TRAK1: variants seen among roughly 807,000 people sequenced by gnomAD.
TRAK1 encodes the protein trafficking kinesin-binding protein 1.
TRAK1 carries 33 observed loss-of-function variants against 92.1 expected under a neutral mutation model. That is an observed-to-expected ratio of 0.36 (90% confidence interval 0.27 to 0.48). The LOEUF is 0.48. Among genes scored for constraint, TRAK1 ranks in the 20% least tolerant of loss-of-function variants. The pLI, the probability that TRAK1 is intolerant of heterozygous loss-of-function variation, is 0.99. For missense variants in TRAK1, 1,123 were observed against 1,257.9 expected (o/e 0.89, Z 1.62); for synonymous variants, 521 against 517.3 (o/e 1.01, Z -0.10).
chr3:42,165,191 G>A (rs193026979), intron 2 of TRAK1, among the ~76,000 whole-genome samples: 2 of 152,300 alleles, frequency 1.3e-5, no homozygotes, highest in Middle Eastern at 3.4e-3. Flanking sequence ...TAGGTTCCCC[G>A]AGAACACGGG....
intron 1 of TRAK1, among the ~76,000 whole-genome samples, chr3:42,049,353 G>A (rs544430586): frequency 2.0e-5 from 3 of 151,430 alleles, no homozygotes; most frequent in East Asian, 3.9e-4. Context: ...AAAGCTTTTA[G>A]AAATATCTAA....
At chr3:42,199,100 C>A in intron 10 of TRAK1, 77 bp from the exon 11 acceptor site, 2 of 1,529,392 alleles carry the variant, frequency 1.3e-6, no homozygotes, top group Non-Finnish European at 1.8e-6. Flanking sequence ...CATGGCCCAC[C>A]TGGGTGCATA....
chr3:42,195,812 A>C (rs1706536334), intron 10 of TRAK1, among the ~76,000 whole-genome samples: 1 of 152,194 alleles, frequency 6.6e-6, no homozygotes, highest in Admixed American at 6.5e-5. Flanking sequence ...TGATTCCAGG[A>C]ATCTCAGTAA....
rs184686027 is a variant in TRAK1, at chr3:42,052,339, C to T, written c.-518-34765C>T. Among the ~76,000 whole-genome samples, 318 of 152,338 alleles carry T rather than the reference C, an allele frequency of 2.1e-3. 1 individual carries two copies. The highest frequency in any genetic ancestry group is 7.2e-3 in the African/African-American group (300 of 41,576). On this transcript the variant is annotated intron_variant, in intron 1 of 16. Transcript: ENST00000487159. ...CAGAAACTCAGGCATGGGGGCCCAGCAATCTGTGTTCTAACAAGCCCTTCA... is the reference window on the plus strand; with the variant it reads ...CAGAAACTCAGGCATGGGGGCCCAGTAATCTGTGTTCTAACAAGCCCTTCA...
At chr3:42,073,281 A>G (rs1228551926) in intron 1 of TRAK1, among the ~76,000 whole-genome samples, 1 of 152,026 alleles carries the variant, frequency 6.6e-6, no homozygotes, top group African/African-American at 2.4e-5. Flanking sequence ...CACTGCTCCG[A>G]CTTTCTGACT....
rs1274723041 is a variant in TRAK1, at chr3:42,184,669, C to T, written c.364-16C>T. 6.2e-7 allele frequency: 1 copy of T among 1,612,812 alleles called. No individual in the cohort carries two copies. The highest frequency in any genetic ancestry group is 8.5e-7 in the Non-Finnish European group (1 of 1,179,160). ...CAGGTCTTTTGAATCTCTGTTCTCCCTCTTTCCTTTTGTAGAAAGAGCGGG... is the reference window on the plus strand; with the variant it reads ...CAGGTCTTTTGAATCTCTGTTCTCCTTCTTTCCTTTTGTAGAAAGAGCGGG... On this transcript the variant is annotated splice_polypyrimidine_tract_variant and intron_variant, in intron 3 of 15. Coordinates refer to ENST00000327628, the MANE Select transcript of TRAK1 (RefSeq NM_001042646.3).
chr3:42,065,403 T>A (rs910434628), intron 1 of TRAK1, among the ~76,000 whole-genome samples: 2 of 152,186 alleles, frequency 1.3e-5, no homozygotes, highest in African/African-American at 2.4e-5. Flanking sequence ...AGGTTTGAAA[T>A]TCTGAAATCC....
intron 1 of TRAK1, among the ~76,000 whole-genome samples, chr3:42,018,164 A>G (rs1701598074): frequency 6.7e-6 from 1 of 150,214 alleles, no homozygotes; most frequent in African/African-American, 2.4e-5. Context: ...GCTACTAGGG[A>G]GGCTGAGGTG....
chr3:42,160,153 C>T, intron 2 of TRAK1: 15 of 1,313,540 alleles, frequency 1.1e-5, no homozygotes, highest in Non-Finnish European at 1.5e-5. Flanking sequence ...GAGCCACCCC[C>T]TTCCGGGTCC....
chr3:42,162,576 C>T (rs1401955669), intron 2 of TRAK1, among the ~76,000 whole-genome samples: 1 of 152,108 alleles, frequency 6.6e-6, no homozygotes, highest in Admixed American at 6.5e-5. Context: ...AGCAACAGTT[C>T]CTTTCCTGTA....
chr3:42,184,237 T>G (rs1704463901), intron 3 of TRAK1, among the ~76,000 whole-genome samples: 1 of 152,258 alleles, frequency 6.6e-6, no homozygotes, highest in South Asian at 2.1e-4. Flanking sequence ...GCTCTTGGCT[T>G]CATTGTCAGA....
intron 2 of TRAK1, among the ~76,000 whole-genome samples, chr3:42,158,464 G>A (rs1014224253): frequency 1.3e-5 from 2 of 151,940 alleles, no homozygotes; most frequent in Admixed American, 6.6e-5. Context: ...AGTCTAATCC[G>A]ATAAAGCTTA....
intron 2 of TRAK1, among the ~76,000 whole-genome samples, chr3:42,127,576 G>A (rs1193811745): frequency 6.6e-6 from 1 of 151,974 alleles, no homozygotes; most frequent in Non-Finnish European, 1.5e-5. Flanking sequence ...GCCCAGGCTG[G>A]TGTCAAACTC....
chr3:42,022,373 A>G (rs1384047831), intron 1 of TRAK1, among the ~76,000 whole-genome samples: 1 of 152,196 alleles, frequency 6.6e-6, no homozygotes, highest in Non-Finnish European at 1.5e-5. Context: ...TAAAACGTTG[A>G]CTGCTGCAGT....
In TRAK1 at chr3:42,224,722, A is replaced by G. The variant is rs531524898; in HGVS notation, c.*985A>G. The G allele has an allele frequency of 6.8e-4, 103 of 152,374 alleles. 1 individual carries two copies. Among genetic ancestry groups the G allele is most frequent in the African/African-American group, 2.4e-3 (101 of 41,578 alleles). The allele number at this position is 152,374 out of a possible 1,614,324, so 9.4% of individuals were successfully genotyped here. A position where few individuals can be genotyped will look rare whatever the true frequency, so the allele number is the denominator to read the frequency against. ...AAAAGCTTATTAAAGAAATGTGTCA[A>G]CACCAAATGTAGAGGGGAAGAACCA... On this transcript the variant is annotated 3_prime_UTR_variant, in exon 16 of 16. Coordinates refer to ENST00000327628, the MANE Select transcript of TRAK1 (RefSeq NM_001042646.3).
At chr3:42,178,203 A>G (rs1559880408) in intron 3 of TRAK1, among the ~76,000 whole-genome samples, 1 of 151,344 alleles carries the variant, frequency 6.6e-6, no homozygotes, top group African/African-American at 2.4e-5. Context: ...GGCGGCCACC[A>G]CTCAAGCTCT....
rs1018711035 is a variant in TRAK1 at position 42,202,380 on chromosome 3, T to C, written c.1428-56T>C. ...CCGCTGTGCATTGAGCAGTCGGGCC[T>C]CTGTGGCCTTGGAGCCCTGCTGGCA... is the stretch of plus-strand genomic sequence containing the variant. On this transcript the variant is annotated intron_variant, in intron 12 of 15. Coordinates refer to ENST00000327628, the MANE Select transcript of TRAK1 (RefSeq NM_001042646.3). This position sits in a 1 kb window ranked among gnomAD's most constrained non-coding sequence, Gnocchi z 6.1. The C allele has an allele frequency of 6.9e-7, 1 of 1,443,208 alleles. No homozygotes were observed. The highest frequency in any genetic ancestry group is 9.2e-7 in the Non-Finnish European group (1 of 1,092,382). The allele number at this position is 1,443,208 out of a possible 1,614,324, so 89.4% of individuals were successfully genotyped here.
intron 2 of TRAK1, among the ~76,000 whole-genome samples, chr3:42,170,852 C>G (rs1337150909): frequency 6.8e-6 from 1 of 146,512 alleles, no homozygotes; most frequent in Non-Finnish European, 1.5e-5. Context: ...GAGACAGAGT[C>G]TTGCTCTGTC....
Position 42,200,991 on chromosome 3 carries a change from G to T in TRAK1, c.1364G>T (p.Gly455Val), listed in dbSNP as rs77593921. 2.4e-4 allele frequency: 386 copies of T among 1,614,194 alleles called. No individual in the cohort carries two copies. Among genetic ancestry groups the T allele is most frequent in the Admixed American group, 1.2e-3 (70 of 60,028 alleles). Residue 455 changes from glycine to valine, a missense_variant, in exon 12 of 16, where the codon GGC becomes GTC. Gly to Val is a moderately radical substitution (Grantham distance 109). Coordinates refer to ENST00000327628, the MANE Select transcript of TRAK1 (RefSeq NM_001042646.3). The stretch of plus-strand genomic sequence containing the variant: ...TCCAGCTTCTACGGCAGCGACATAG[G>T]CAACGTCGTCCTCGACAACAAGACC... ...PRSSFYGSDI[G>V]NVVLDNKTNS...
Sources: gnomAD v4.1 joint callset for allele counts (sites outside exome capture counted in the v4.1 genomes callset) on GRCh38, gnomAD v4.1.1 for gene constraint, Gnocchi (gnomAD v3.1) non-coding constraint, MANE v1.5 for transcripts, NCBI Gene and HGNC (gene_info 2026-07-23, HGNC 2026-07-21) for gene names.